The following GNA13 variants were observed in gnomAD, a reference collection of about 807,000 sequenced individuals.
GNA13 encodes the protein guanine nucleotide-binding protein subunit alpha-13.
A neutral mutation model predicts 33.5 loss-of-function variants in GNA13; 4 were observed. The observed-to-expected ratio is 0.12, with a 90% confidence interval of 0.06 to 0.27. The LOEUF (loss-of-function observed/expected upper bound fraction) is 0.27, where lower values mean the gene tolerates loss of function less well. Among genes scored for constraint, GNA13 ranks in the 10% least tolerant of loss-of-function variants. GNA13 has a pLI of 1.00. For synonymous variants in GNA13, 176 were observed against 183.8 expected (o/e 0.96, Z 0.34); for missense variants, 319 against 487.2 (o/e 0.65, Z 3.25).
Position 65,014,880 on chromosome 17 carries a change from A to G in GNA13, c.562-51T>C, listed in dbSNP as rs1336543087. Reference sequence around the variant, plus strand: ...ACCTATTAATCCCGAAGTAATGCGAATTTTTAATGGACTACTAACTGGACT... The same window carrying G: ...ACCTATTAATCCCGAAGTAATGCGAGTTTTTAATGGACTACTAACTGGACT... On this transcript the variant is annotated intron_variant, in intron 3 of 3. Transcript: ENST00000439174. The surrounding 1 kb of genome is among the most constrained non-coding windows in gnomAD (Gnocchi z 5.3). 3.7e-6 allele frequency: 4 copies of G among 1,071,982 alleles called. No individual in the cohort carries two copies. The highest frequency in any genetic ancestry group is 4.2e-6 in the Non-Finnish European group (3 of 719,284). 66.4% of individuals were successfully genotyped at this position (1,071,982 alleles called of 1,614,324 possible).
Position 65,010,121 on chromosome 17 carries a change from T to C in GNA13, c.*4136A>G, listed in dbSNP as rs1011453115. Among the ~76,000 whole-genome samples, 2 of 152,218 alleles carry C rather than the reference T, an allele frequency of 1.3e-5. No homozygotes were observed. The highest frequency in any genetic ancestry group is 4.8e-5 in the African/African-American group (2 of 41,456). Reference sequence around the variant, plus strand: ...ACAATGTTCATATAAGCTCTCGCATTTGAAACCAGATGGTAAGACCTGAAT... The same window carrying C: ...ACAATGTTCATATAAGCTCTCGCATCTGAAACCAGATGGTAAGACCTGAAT... On this transcript the variant is annotated 3_prime_UTR_variant, in exon 4 of 4. Transcript: ENST00000439174.
In GNA13 at chr17:65,056,526, C is replaced by A; in HGVS notation, c.68G>T (p.Gly23Val). ...GGACTTGCGTTGCTGCTCGGCCTCGCCACTCGTCAGCAGGCAGCCGGGGAA... is the reference window on the plus strand; with the variant it reads ...GGACTTGCGTTGCTGCTCGGCCTCGACACTCGTCAGCAGGCAGCCGGGGAA... ...VCFPGCLLTSGEAEQQRKSKE... is the reference protein window; with the variant it reads ...VCFPGCLLTSVEAEQQRKSKE... Residue 23 changes from glycine (G) to valine (V), a missense_variant, in exon 1 of 4, where the codon GGC becomes GTC. By Grantham distance (109) the Gly-to-Val change is moderately radical. Coordinates refer to ENST00000439174, the MANE Select transcript of GNA13 (RefSeq NM_006572.6). The A allele has an allele frequency of 6.2e-7, 1 of 1,613,286 alleles. No homozygotes were observed. The highest frequency in any genetic ancestry group is 8.5e-7 in the Non-Finnish European group (1 of 1,179,828).
rs769153869 is a variant in GNA13 at position 65,010,499 on chromosome 17, A to AAAAAC, written c.*3753_*3757dup. 2.7e-3 allele frequency among the ~76,000 whole-genome samples: 412 copies of AAAAAC among 152,194 alleles called. 3 individuals are homozygous for AAAAAC. Among genetic ancestry groups the AAAAAC allele is most frequent in the African/African-American group, 8.6e-3 (356 of 41,502 alleles). On this transcript the variant is annotated 3_prime_UTR_variant, in exon 4 of 4. Coordinates refer to ENST00000439174, the MANE Select transcript of GNA13 (RefSeq NM_006572.6). ...AAAGCCACCCTGTATCCTATCATTA[A>AAAAAC]AAAACAAAACAAAACAAAACAAAAC... is the stretch of plus-strand genomic sequence containing the variant.
At chr17:65,018,092 T>TAAAAAAAAAAAAAAAAA (rs767082596) in intron 3 of GNA13, among the ~76,000 whole-genome samples, 161 bp downstream of exon 3, 1 of 21,474 alleles carries the variant, frequency 4.7e-5, no homozygotes, top group African/African-American at 1.4e-4. Flanking sequence ...ACGCCACCAC[T>TAAAAAAAAAAAAAAAAA]AAAAAAAAAA....
At chr17:65,039,339 C>T (rs1907375283) in intron 2 of GNA13, among the ~76,000 whole-genome samples, 1 of 152,132 alleles carries the variant, frequency 6.6e-6, no homozygotes, top group Non-Finnish European at 1.5e-5. Flanking sequence ...AAAGGCTCTC[C>T]CTCACTCCCC....
At chr17:65,050,147 GTGTT>G (rs1195082518) in intron 2 of GNA13, among the ~76,000 whole-genome samples, 4 of 152,208 alleles carry the variant, frequency 2.6e-5, no homozygotes, top group Non-Finnish European at 2.9e-5. Flanking sequence ...AACCAATGCT[GTGTT>G]TGAACAAGAC....
intron 1 of GNA13, among the ~76,000 whole-genome samples, chr17:65,055,064 G>A (rs1176749531): frequency 6.6e-6 from 1 of 151,646 alleles, no homozygotes; most frequent in Admixed American, 6.6e-5. Flanking sequence ...CGGTTGGCGG[G>A]GAGGGGGCGG....
rs1452442267 is a variant in GNA13 at position 65,055,580 on chromosome 17, G to T, written c.283+731C>A. The T allele has an allele frequency of 4.1e-6, 4 of 984,096 alleles. No homozygotes were observed. In the Admixed American group the frequency reaches 1.8e-4, roughly 45 times the overall value. The allele number at this position is 984,096 out of a possible 1,614,324, so 61.0% of individuals were successfully genotyped here. On this transcript the variant is annotated intron_variant, in intron 1 of 3. Coordinates refer to ENST00000439174, the MANE Select transcript of GNA13 (RefSeq NM_006572.6). ...GGAACGTGTTGCACAGAAATCACAC[G>T]CAAACATCCTACCTGACCGTGACAC...
At chr17:65,040,683 G>A (rs935888440) in intron 2 of GNA13, among the ~76,000 whole-genome samples, 4 of 151,954 alleles carry the variant, frequency 2.6e-5, no homozygotes, top group Admixed American at 6.6e-5. Context: ...TAGTAGAGAC[G>A]GGTTTCACCA....
At chr17:65,034,292 C>G (rs1460547690) in intron 2 of GNA13, among the ~76,000 whole-genome samples, 1 of 151,890 alleles carries the variant, frequency 6.6e-6, no homozygotes, top group Non-Finnish European at 1.5e-5. Context: ...TTGCCTTTTT[C>G]TTGTTGCTGC....
intron 2 of GNA13, among the ~76,000 whole-genome samples, chr17:65,043,290 A>G (rs1244735958): frequency 3.8e-5 from 1 of 26,286 alleles, no homozygotes; most frequent in Non-Finnish European, 1.0e-4. Flanking sequence ...CATGTTTATT[A>G]ATTTTTTTTT....
At chr17:65,019,346 G>A (rs1414594897) in intron 2 of GNA13, among the ~76,000 whole-genome samples, 1 of 152,174 alleles carries the variant, frequency 6.6e-6, no homozygotes, top group Non-Finnish European at 1.5e-5. Context: ...TGAGTATATG[G>A]AGGAGAGAGA....
chr17:65,022,648 C>A (rs936138707), intron 2 of GNA13, among the ~76,000 whole-genome samples: 1 of 152,186 alleles, frequency 6.6e-6, no homozygotes, highest in African/African-American at 2.4e-5. Context: ...AAAAACAAAA[C>A]ACATGCAAAA....
chr17:65,018,641 CAT>C (rs1199318917), intron 2 of GNA13, among the ~76,000 whole-genome samples: 5 of 152,158 alleles, frequency 3.3e-5, no homozygotes, highest in African/African-American at 1.2e-4. Flanking sequence ...TGAGATAAAA[CAT>C]AAATCTACAT....
chr17:65,018,852 C>G (rs773984090), intron 2 of GNA13, among the ~76,000 whole-genome samples: 2 of 152,120 alleles, frequency 1.3e-5, no homozygotes, highest in Non-Finnish European at 2.9e-5. Flanking sequence ...GGTCTTTTCC[C>G]GAGTGGCCTA....
intron 2 of GNA13, among the ~76,000 whole-genome samples, chr17:65,042,806 T>C (rs1056856229): frequency 1.3e-5 from 2 of 152,204 alleles, no homozygotes; most frequent in Admixed American, 6.5e-5. Flanking sequence ...AGAGACAACA[T>C]ACAGTCTAAT....
In GNA13 at chr17:65,013,999, G is replaced by A. The variant is rs1906278060; in HGVS notation, c.*258C>T. ...AATATGCCTAGTCTGAGGTCAGCTG[G>A]GAGGTTTTAACTGGACTTGAATAGA... On this transcript the variant is annotated 3_prime_UTR_variant, in exon 4 of 4. Transcript: ENST00000439174. 1 of 433,074 alleles carries A rather than the reference G, an allele frequency of 2.3e-6. No individual in the cohort carries two copies. Among genetic ancestry groups the A allele is most frequent in the Non-Finnish European group, 4.1e-6 (1 of 242,068 alleles). 26.8% of individuals were successfully genotyped at this position (433,074 alleles called of 1,614,324 possible).
At chr17:65,056,252 C>A in intron 1 of GNA13, 59 bp downstream of exon 1, 2 of 1,072,614 alleles carry the variant, frequency 1.9e-6, no homozygotes, top group South Asian at 1.4e-5. Flanking sequence ...CCGCCCCGCA[C>A]CCGCCGCCGC....
chr17:65,020,876 C>A (rs1906557557), intron 2 of GNA13, among the ~76,000 whole-genome samples: 1 of 152,082 alleles, frequency 6.6e-6, no homozygotes, highest in Non-Finnish European at 1.5e-5. Flanking sequence ...GTCTTGAACT[C>A]CTGACCTCAG....
Sources: allele counts gnomAD v4.1 joint callset (sites outside exome capture counted in the v4.1 genomes callset), GRCh38; gene constraint gnomAD v4.1.1; non-coding constraint Gnocchi (gnomAD v3.1); transcripts MANE v1.5; gene names NCBI Gene and HGNC (gene_info 2026-07-23, HGNC 2026-07-21).